IL37: variants seen among roughly 807,000 people sequenced by gnomAD.
The protein encoded by IL37 is interleukin-37.
A neutral mutation model predicts 15.4 loss-of-function variants in IL37; 15 were observed. The ratio of observed to expected loss-of-function variants is 0.98; its 90% CI spans 0.65 to 1.50. The LOEUF (loss-of-function observed/expected upper bound fraction) is 1.50. IL37 is among the 40% of genes most tolerant of loss of function. IL37 has a pLI of 0.00. For synonymous variants in IL37, 98 were observed against 97.4 expected, an observed-to-expected ratio of 1.01 and a Z score of -0.03; for missense variants, 269 against 261.7, an observed-to-expected ratio of 1.03 and a Z score of -0.19.
intron 3 of IL37, chr2:112,915,057 G>C (rs1683270739): frequency 3.0e-6 from 2 of 671,556 alleles, no homozygotes. Flanking sequence ...CTTCCCTATA[G>C]AAAACAACTG....
intron 3 of IL37, among the ~76,000 whole-genome samples, chr2:112,914,951 G>A (rs573483463): frequency 1.2e-4 from 18 of 152,202 alleles, no homozygotes; most frequent in African/African-American, 2.7e-4. Flanking sequence ...TTATCGTGAC[G>A]CACCTTGAAA....
rs1683383497 is a variant in IL37, at chr2:112,918,692, C to T, written c.540C>T (p.Ser180=). ...AAHPGWFICT[S]CNCNEPVGVT... The stretch of plus-strand genomic sequence containing the variant: ...ACCCCGGATGGTTCATCTGCACCTC[C>T]TGCAATTGTAATGAGCCTGTTGGGG... Residue 180 remains serine (S), a synonymous_variant, in exon 6 of 6, where the codon TCC becomes TCT. Transcript: ENST00000263326. 1.9e-6 allele frequency: 3 copies of T among 1,614,030 alleles called. No individual in the cohort carries two copies. Among genetic ancestry groups the T allele is most frequent in the Non-Finnish European group, 2.5e-6 (3 of 1,180,032 alleles).
At chr2:112,912,896 A>G (rs1360291763) in intron 1 of IL37, 67 bp from the exon 2 acceptor site, 2 of 693,058 alleles carry the variant, frequency 2.9e-6, no homozygotes, top group Non-Finnish European at 4.8e-6. Context: ...GTTCAGCACT[A>G]GAGACATGCA....
At chr2:112,917,365 A>G (rs2723184) in intron 4 of IL37, 117 bp downstream of exon 4, 99,066 of 1,215,882 alleles carry the variant, frequency 0.081, 4,623 homozygotes, top group African/African-American at 0.17. Flanking sequence ...GGTGGAAGCG[A>G]GGAGGAGAGG....
chr2:112,917,337 G>A, intron 4 of IL37, 89 bp downstream of exon 4: 1 of 1,435,754 alleles, frequency 7.0e-7, no homozygotes, highest in Non-Finnish European at 9.5e-7. Flanking sequence ...GCTATACCAT[G>A]CCCCATCTCC....
In IL37 at chr2:112,918,856, A is replaced by T; in HGVS notation, c.*47A>T. On this transcript the variant is annotated 3_prime_UTR_variant, in exon 6 of 6. Coordinates refer to ENST00000263326, the MANE Select transcript of IL37 (RefSeq NM_014439.4). Reference sequence around the variant, plus strand: ...TTCCTCGCTAATTTGAACTAATTGTATAAAAACACCAAACCTGCTCACTAA... The same window carrying T: ...TTCCTCGCTAATTTGAACTAATTGTTTAAAAACACCAAACCTGCTCACTAA... The T allele has an allele frequency of 6.4e-7, 1 of 1,569,468 alleles. No individual in the cohort carries two copies. Among genetic ancestry groups the T allele is most frequent in the South Asian group, 1.2e-5 (1 of 85,286 alleles).
At chr2:112,913,130 G>A (rs780476022) in intron 2 of IL37, 36 bp downstream of exon 2, 3 of 1,419,108 alleles carry the variant, frequency 2.1e-6, no homozygotes, top group South Asian at 1.4e-5. Context: ...CAGGGCCAAA[G>A]TGTAATTCCT....
rs1481304199 is a variant in IL37 at position 112,917,184 on chromosome 2, C to G, written c.201C>G (p.His67Gln). ...PKKFSIHDQD[H>Q]KVLVLDSGNL... ...AATTCAGCATTCATGACCAGGATCA[C>G]AAAGTACTGGTCCTGGACTCTGGGA... is the stretch of plus-strand genomic sequence containing the variant. Residue 67 changes from histidine to glutamine, a missense_variant, in exon 4 of 6, where the codon CAC becomes CAG. Transcript: ENST00000263326. 2 of 1,613,678 alleles carry G rather than the reference C, an allele frequency of 1.2e-6. No individual in the cohort carries two copies. Among genetic ancestry groups the G allele is most frequent in the Non-Finnish European group, 1.7e-6 (2 of 1,179,560 alleles).
At chr2:112,915,251 G>T in intron 3 of IL37, 1 of 1,613,426 alleles carries the variant, frequency 6.2e-7, no homozygotes, top group Non-Finnish European at 8.5e-7. Flanking sequence ...TTTAAGAAGC[G>T]CTTAAGAGGT....
At chr2:112,912,027 C>A (rs1169026407) in intron 1 of IL37, among the ~76,000 whole-genome samples, 1 of 152,186 alleles carries the variant, frequency 6.6e-6, no homozygotes, top group Non-Finnish European at 1.5e-5. Flanking sequence ...AGTCCTGAAG[C>A]CCTTCCTTGT....
chr2:112,916,261 A>G (rs1683308614), intron 3 of IL37, among the ~76,000 whole-genome samples: 1 of 152,114 alleles, frequency 6.6e-6, no homozygotes, highest in Admixed American at 6.5e-5. Context: ...CCCATTCTTG[A>G]CAGTCACTGG....
At chr2:112,915,200 G>C (rs753263306) in intron 3 of IL37, 2 of 1,613,820 alleles carry the variant, frequency 1.2e-6, no homozygotes, top group Non-Finnish European at 1.7e-6. Context: ...CCTATGTCAG[G>C]CTGTGATAGG....
intron 1 of IL37, among the ~76,000 whole-genome samples, chr2:112,912,408 A>G (rs1683196949): frequency 1.3e-5 from 2 of 152,342 alleles, no homozygotes; most frequent in Non-Finnish European, 1.5e-5. Context: ...TTTTCATGAA[A>G]AGAGGTTGCA....
At chr2:112,911,729 A>G (rs1683182434) in intron 1 of IL37, among the ~76,000 whole-genome samples, 1 of 152,144 alleles carries the variant, frequency 6.6e-6, no homozygotes, top group African/African-American at 2.4e-5. Flanking sequence ...CCAGCCTGTG[A>G]GCATCCTTCT....
At chr2:112,911,770 T>C (rs1026410162) in intron 1 of IL37, among the ~76,000 whole-genome samples, 2 of 152,236 alleles carry the variant, frequency 1.3e-5, no homozygotes, top group Non-Finnish European at 2.9e-5. Flanking sequence ...TATCTTTATA[T>C]GTCTTTGGAT....
chr2:112,917,060 C>A, intron 3 of IL37, 69 bp from the exon 4 acceptor site: 1 of 1,573,736 alleles, frequency 6.4e-7, no homozygotes, highest in Non-Finnish European at 8.7e-7. Flanking sequence ...GGCCCTTGGA[C>A]GTGGGGAAGA....
At chr2:112,912,637 C>T (rs1021770991) in intron 1 of IL37, among the ~76,000 whole-genome samples, 10 of 152,186 alleles carry the variant, frequency 6.6e-5, no homozygotes, top group Non-Finnish European at 1.2e-4. Context: ...AGTCAGGGAC[C>T]GGATTTGGCC....
intron 1 of IL37, among the ~76,000 whole-genome samples, chr2:112,912,507 G>A (rs1398466663): frequency 3.3e-5 from 5 of 152,114 alleles, no homozygotes; most frequent in East Asian, 1.9e-4. Flanking sequence ...AGTATTTTAG[G>A]CTTTGCTTGC....
intron 1 of IL37, 122 bp from the exon 2 acceptor site, chr2:112,912,841 T>C (rs1316334134): frequency 3.9e-5 from 19 of 488,230 alleles, no homozygotes; most frequent in Non-Finnish European, 6.4e-5. Context: ...GGTGCCTTTC[T>C]GGTTGCAGCG....
Sources: allele counts gnomAD v4.1 joint callset (sites outside exome capture counted in the v4.1 genomes callset), GRCh38; gene constraint gnomAD v4.1.1; transcripts MANE v1.5; gene names NCBI Gene and HGNC (gene_info 2026-07-23, HGNC 2026-07-21).